ACADM: variants seen among roughly 807,000 people sequenced by gnomAD.
ACADM encodes the protein medium-chain specific acyl-CoA dehydrogenase, mitochondrial.
ACADM carries 49 observed loss-of-function variants against 58.9 expected under a neutral mutation model. The observed-to-expected ratio is 0.83, with a 90% confidence interval of 0.66 to 1.06. The LOEUF is 1.06. Among genes scored for constraint, ACADM ranks in the 50% least tolerant of loss-of-function variants. ACADM has a pLI of 0.00. For missense variants in ACADM, 496 were observed against 507.0 expected (o/e 0.98, Z 0.21); for synonymous variants, 160 against 157.7 (o/e 1.01, Z -0.11).
rs917071568 is a variant in ACADM, at chr1:75,763,582, G to A, written c.*819G>A. The A allele has an allele frequency of 3.3e-5, 5 of 152,062 alleles. No homozygotes were observed. The highest frequency in any genetic ancestry group is 3.4e-3 in the Middle Eastern group (1 of 294). 9.4% of individuals were successfully genotyped at this position (152,062 alleles called of 1,614,324 possible). On this transcript the variant is annotated 3_prime_UTR_variant, in exon 12 of 12. Coordinates refer to ENST00000370841, the MANE Select transcript of ACADM (RefSeq NM_000016.6). ...GTATTTACTATGATGAAAAAAGGTC[G>A]TTTTAATTTTGAATTGAATAAAGTT...
At chr1:75,761,614 G>A (rs1325729482) in intron 11 of ACADM, 1 of 487,216 alleles carries the variant, frequency 2.1e-6, no homozygotes, top group Non-Finnish European at 3.7e-6. Flanking sequence ...GTTTGGATTA[G>A]ATTTCTTTGA....
chr1:75,732,160 A>G (rs1042218858), intron 2 of ACADM, among the ~76,000 whole-genome samples: 1 of 151,950 alleles, frequency 6.6e-6, no homozygotes, highest in Admixed American at 6.6e-5. Context: ...AAAAAAAAAA[A>G]GCAAAATTAT....
intron 10 of ACADM, among the ~76,000 whole-genome samples, chr1:75,758,731 G>A (rs1311226047): frequency 6.6e-6 from 1 of 152,128 alleles, no homozygotes; most frequent in East Asian, 1.9e-4. Flanking sequence ...AATCAGCACT[G>A]TGTAAAAATG....
At chr1:75,758,852 T>C (rs1351506557) in intron 10 of ACADM, among the ~76,000 whole-genome samples, 1 of 152,046 alleles carries the variant, frequency 6.6e-6, no homozygotes, top group Non-Finnish European at 1.5e-5. Flanking sequence ...AGGATATGGG[T>C]GGGGACAAAT....
At chr1:75,724,846 G>T (rs1197307352) in intron 1 of ACADM, 29 bp downstream of exon 1, 3 of 1,459,846 alleles carry the variant, frequency 2.1e-6, no homozygotes, top group Non-Finnish European at 2.7e-6. Context: ...GTGCGGTGGG[G>T]CTGGAACATG....
Position 75,734,805 on chromosome 1 carries a change from T to C in ACADM, c.402T>C (p.Ile134=). Residue 134 remains isoleucine, a synonymous_variant, in exon 6 of 12, where the codon ATT becomes ATC. Coordinates refer to ENST00000370841, the MANE Select transcript of ACADM (RefSeq NM_000016.6). ...EGNSLGQMPI[I]IAGNDQQKKK... is the part of the protein sequence containing the mutation. ...TTCTTCGGTAGCAAATGCCTATTATTATTGCTGGAAATGATCAACAAAAGA... is the reference window on the plus strand; with the variant it reads ...TTCTTCGGTAGCAAATGCCTATTATCATTGCTGGAAATGATCAACAAAAGA... 3 of 1,613,574 alleles carry C rather than the reference T, an allele frequency of 1.9e-6. No individual in the cohort carries two copies. The highest frequency in any genetic ancestry group is 2.5e-6 in the Non-Finnish European group (3 of 1,179,574).
At chr1:75,725,971 C>T (rs994567572) in intron 1 of ACADM, among the ~76,000 whole-genome samples, 8 of 152,154 alleles carry the variant, frequency 5.3e-5, no homozygotes, top group Admixed American at 5.2e-4. Flanking sequence ...TTGCAAACCA[C>T]CTCTCTAATT....
intron 8 of ACADM, among the ~76,000 whole-genome samples, chr1:75,749,046 C>A (rs560924928): frequency 1.3e-5 from 2 of 152,178 alleles, no homozygotes; most frequent in Middle Eastern, 6.8e-3. Flanking sequence ...TGAGATTTGT[C>A]TTTGTTGATA....
intron 8 of ACADM, among the ~76,000 whole-genome samples, chr1:75,748,213 A>G (rs1648006665): frequency 6.6e-6 from 1 of 152,244 alleles, no homozygotes; most frequent in Non-Finnish European, 1.5e-5. Flanking sequence ...AAGCAAATGT[A>G]TCAAAATGTT....
At chr1:75,743,186 A>G (rs1647675134) in intron 7 of ACADM, among the ~76,000 whole-genome samples, 1 of 147,266 alleles carries the variant, frequency 6.8e-6, no homozygotes, top group Admixed American at 6.8e-5. Flanking sequence ...TCTCTCTCTC[A>G]AGCCTAAGGA....
At chr1:75,734,680 C>A in intron 5 of ACADM, 111 bp from the exon 6 acceptor site, 2 of 834,398 alleles carry the variant, frequency 2.4e-6, no homozygotes, top group East Asian at 2.7e-5. Flanking sequence ...GTTCTTTGGA[C>A]TTACCTGTTA....
intron 10 of ACADM, among the ~76,000 whole-genome samples, chr1:75,753,034 G>A (rs578096222): frequency 4.6e-5 from 7 of 152,170 alleles, no homozygotes; most frequent in East Asian, 3.9e-4. Context: ...AAGAAACTCC[G>A]TACATTCCAG....
chr1:75,738,006 TC>T (rs1378503107), intron 6 of ACADM, among the ~76,000 whole-genome samples: 3 of 152,114 alleles, frequency 2.0e-5, no homozygotes, highest in Non-Finnish European at 4.4e-5. Context: ...AACCTCTGCC[TC>T]CCAGGTTCAA....
intron 4 of ACADM, 168 bp from the exon 5 acceptor site, chr1:75,733,360 G>A: frequency 1.0e-6 from 1 of 983,898 alleles, no homozygotes; most frequent in Non-Finnish European, 1.5e-6. Flanking sequence ...AGAGCTTTAA[G>A]AAAGTATAAT....
chr1:75,731,849 C>T (rs1647154191), intron 2 of ACADM, among the ~76,000 whole-genome samples: 1 of 151,958 alleles, frequency 6.6e-6, no homozygotes, highest in Non-Finnish European at 1.5e-5. Context: ...CATAGTGAGA[C>T]CCTGTCTCTG....
intron 6 of ACADM, among the ~76,000 whole-genome samples, chr1:75,736,488 T>C (rs1647269885): frequency 6.6e-6 from 1 of 152,198 alleles, no homozygotes; most frequent in Admixed American, 6.5e-5. Context: ...CTAAACATTC[T>C]CACTATTGTC....
intron 1 of ACADM, among the ~76,000 whole-genome samples, chr1:75,727,167 T>A (rs1227922186): frequency 6.6e-6 from 1 of 152,188 alleles, no homozygotes; most frequent in African/African-American, 2.4e-5. Context: ...ATACTCTGTA[T>A]GTTTTTATTA....
At chr1:75,733,400 G>T in intron 4 of ACADM, 128 bp from the exon 5 acceptor site, 1 of 1,027,254 alleles carries the variant, frequency 9.7e-7, no homozygotes, top group Non-Finnish European at 1.5e-6. Context: ...AACACATGTA[G>T]ATATTATATT....
At chr1:75,761,461 C>A (rs746979683) in intron 11 of ACADM, 91 bp downstream of exon 11, 1 of 1,410,870 alleles carries the variant, frequency 7.1e-7, no homozygotes, top group Non-Finnish European at 1.0e-6. Flanking sequence ...AATTTTATGT[C>A]CCTAGTAGCA....
Sources: allele counts gnomAD v4.1 joint callset (sites outside exome capture counted in the v4.1 genomes callset), GRCh38; gene constraint gnomAD v4.1.1; transcripts MANE v1.5; gene names NCBI Gene and HGNC (gene_info 2026-07-23, HGNC 2026-07-21).